The following PPP4R3A variants were observed in gnomAD, a reference collection of about 807,000 sequenced individuals.
PPP4R3A encodes protein phosphatase 4 regulatory subunit 3A.
Under a neutral mutation model 91.7 loss-of-function variants are expected in PPP4R3A, and 15 were observed. The observed-to-expected ratio is 0.16, with a 90% CI of 0.11 to 0.25. The LOEUF (loss-of-function observed/expected upper bound fraction) is 0.25, where lower values mean the gene tolerates loss of function less well. Ranked by LOEUF, PPP4R3A falls within the 10% of genes least tolerant of loss-of-function variation. The pLI, the probability that PPP4R3A is intolerant of heterozygous loss-of-function variation, is 1.00. For synonymous variants in PPP4R3A, 377 were observed against 348.7 expected (o/e 1.08, Z -0.91); for missense variants, 623 against 998.4 (o/e 0.62, Z 5.07).
Position 91,475,849 on chromosome 14 carries a change from C to T in PPP4R3A, c.1228G>A (p.Val410Ile). 2 of 1,613,778 alleles carry T rather than the reference C, an allele frequency of 1.2e-6. No individual in the cohort carries two copies. Among genetic ancestry groups the T allele is most frequent in the East Asian group, 2.2e-5 (1 of 44,808 alleles). Residue 410 changes from valine to isoleucine, a missense_variant, in exon 7 of 15, where the codon GTA becomes ATA. Val to Ile is a conservative substitution (Grantham distance 29). Around this residue, in one of 5 missense-constraint regions of PPP4R3A, gnomAD observed 264 missense variants for 377.3 expected, o/e 0.70. Transcript: ENST00000554943. The part of the protein sequence containing the change: ...VMQEAQQNDD[V>I]SKKLTEQKIT... ...TTTTGCTCTGTTAACTTCTTACTTA[C>T]ATCATCATTCTGTTGTGCCTCCTGC... is the stretch of plus-strand genomic sequence containing the variant.
Position 91,458,508 on chromosome 14 carries a change from C to T in PPP4R3A, c.*251G>A. ...CCTGTTGGCTTTTTGTTTCCATTTCCTTCCCTGAGAAAAGGGCAATGTGTG... is the reference window on the plus strand; with the variant it reads ...CCTGTTGGCTTTTTGTTTCCATTTCTTTCCCTGAGAAAAGGGCAATGTGTG... On this transcript the variant is annotated 3_prime_UTR_variant, in exon 15 of 15. Transcript: ENST00000554943. 1 of 538,628 alleles carries T rather than the reference C, an allele frequency of 1.9e-6. No individual in the cohort carries two copies. Among genetic ancestry groups the T allele is most frequent in the Admixed American group, 3.1e-5 (1 of 32,602 alleles). The allele number at this position is 538,628 out of a possible 1,614,324, so 33.4% of individuals were successfully genotyped here. A position where few individuals can be genotyped will look rare whatever the true frequency, so the allele number is the denominator to read the frequency against.
chr14:91,471,883 G>C (rs1888859131), intron 9 of PPP4R3A, among the ~76,000 whole-genome samples: 2 of 151,970 alleles, frequency 1.3e-5, no homozygotes, highest in South Asian at 4.1e-4. Flanking sequence ...GGCCAACATG[G>C]TGAAAACCCT....
intron 1 of PPP4R3A, 33 bp downstream of exon 1, chr14:91,509,473 T>TGCGAGGGTCCCGCC (rs758112379): frequency 6.4e-7 from 1 of 1,559,668 alleles, no homozygotes; most frequent in South Asian, 1.2e-5. Flanking sequence ...CCGTGGGGGC[T>TGCGAGGGTCCCGCC]GCGAGGGTCC....
chr14:91,488,450 A>G (rs1475115427), intron 2 of PPP4R3A, among the ~76,000 whole-genome samples: 2 of 152,176 alleles, frequency 1.3e-5, no homozygotes, highest in South Asian at 2.1e-4. Context: ...TATATCACAG[A>G]CACCAGGCAG....
intron 11 of PPP4R3A, 97 bp downstream of exon 11, chr14:91,465,153 C>G: frequency 1.1e-6 from 1 of 934,904 alleles, no homozygotes; most frequent in Non-Finnish European, 1.5e-6. Context: ...TTAAATCTCT[C>G]CAAATATTAT....
intron 14 of PPP4R3A, among the ~76,000 whole-genome samples, chr14:91,459,254 C>T (rs1318549440): frequency 6.6e-6 from 1 of 151,914 alleles, no homozygotes; most frequent in Non-Finnish European, 1.5e-5. Flanking sequence ...TACAGGCGCC[C>T]GCCACCACGC....
intron 10 of PPP4R3A, among the ~76,000 whole-genome samples, chr14:91,467,581 A>G (rs1277660487): frequency 3.8e-5 from 2 of 52,464 alleles, no homozygotes; most frequent in East Asian, 8.7e-4. Context: ...TAAGATTTCC[A>G]TGTTTTTAAC....
At chr14:91,469,138 C>G (rs1319392024) in intron 10 of PPP4R3A, among the ~76,000 whole-genome samples, 1 of 81,770 alleles carries the variant, frequency 1.2e-5, no homozygotes, top group East Asian at 4.6e-4. Flanking sequence ...AAAAAAAAAT[C>G]AGACCTTGGT....
chr14:91,495,185 G>A (rs909265662), intron 1 of PPP4R3A, among the ~76,000 whole-genome samples: 21 of 151,898 alleles, frequency 1.4e-4, no homozygotes, highest in African/African-American at 4.8e-4. Flanking sequence ...AATTCAATGT[G>A]GCATATACTC....
At position 91,458,694 on chromosome 14, in the gene PPP4R3A, T is replaced by C. The variant is rs755143404; in HGVS notation, c.*65A>G. On this transcript the variant is annotated 3_prime_UTR_variant, in exon 15 of 15. Transcript: ENST00000554943. ...GACCACTGCGCTTTGTTGTGGATTT[T>C]GTATGGGGGAGGGGTGGAGAACCAG... 4 of 1,612,760 alleles carry C rather than the reference T, an allele frequency of 2.5e-6. No homozygotes were observed. Among genetic ancestry groups the C allele is most frequent in the South Asian group, 2.2e-5 (2 of 90,864 alleles).
At chr14:91,509,142 G>C (rs1167442864) in intron 1 of PPP4R3A, among the ~76,000 whole-genome samples, 8 of 152,182 alleles carry the variant, frequency 5.3e-5, no homozygotes, top group Admixed American at 3.3e-4. Flanking sequence ...GGTGAACTAA[G>C]GCAGCAGATC....
chr14:91,469,116 T>TAA (rs34445337), intron 10 of PPP4R3A, among the ~76,000 whole-genome samples: 21,414 of 133,102 alleles, frequency 0.16, 3,070 homozygotes, highest in East Asian at 0.49. Flanking sequence ...ATTTTTTCTG[T>TAA]AAAAAAAAAA....
At chr14:91,502,002 G>A (rs530835985) in intron 1 of PPP4R3A, among the ~76,000 whole-genome samples, 28 of 151,504 alleles carry the variant, frequency 1.8e-4, no homozygotes, top group African/African-American at 5.8e-4. Flanking sequence ...GACTACAGGC[G>A]TGAGCCACCG....
rs1272480264 is a variant in PPP4R3A at position 91,476,530 on chromosome 14, ATT to A, written c.994-8_994-7del. The A allele has an allele frequency of 1.3e-6, 2 of 1,537,746 alleles. No individual in the cohort carries two copies. Among genetic ancestry groups the A allele is most frequent in the Non-Finnish European group, 8.9e-7 (1 of 1,127,498 alleles). The stretch of plus-strand genomic sequence containing the variant: ...AATTCTTTTAAAAAGTTAACCTGAA[ATT>A]AGAAAAAAGGATAAGTGATATAAAA... On this transcript the variant is annotated splice_region_variant and splice_polypyrimidine_tract_variant and intron_variant, in intron 5 of 14. Transcript: ENST00000554943.
chr14:91,472,532 C>T (rs35863382), intron 9 of PPP4R3A, among the ~76,000 whole-genome samples: 9,940 of 149,114 alleles, frequency 0.067, 869 homozygotes, highest in East Asian at 0.44. Context: ...GGGGCGACCT[C>T]GGCTCACTGC....
In PPP4R3A at chr14:91,472,458, G is replaced by GTT. The variant is rs76707705; in HGVS notation, c.1501+573_1501+574dup. On this transcript the variant is annotated intron_variant, in intron 9 of 14. Transcript: ENST00000554943. Reference sequence around the variant, plus strand: ...TGATTACAGTACTTTCAGGAAAATTGTTTTTTTTTTTTTTTTTTTGAGTTG... The same window carrying GTT: ...TGATTACAGTACTTTCAGGAAAATTGTTTTTTTTTTTTTTTTTTTTTGAGTTG... 8.8e-3 allele frequency among the ~76,000 whole-genome samples: 1,166 copies of GTT among 133,060 alleles called. 39 individuals are homozygous for GTT. The highest frequency in any genetic ancestry group is 0.014 in the Non-Finnish European group (847 of 61,806). The allele number at this position is 133,060 out of a possible 152,430, so 87.3% of individuals were successfully genotyped here. A position where few individuals can be genotyped will look rare whatever the true frequency, so the allele number is the denominator to read the frequency against.
intron 3 of PPP4R3A, among the ~76,000 whole-genome samples, chr14:91,483,112 CA>C (rs1250447850): frequency 6.6e-6 from 1 of 152,032 alleles, no homozygotes; most frequent in Non-Finnish European, 1.5e-5. Flanking sequence ...TAAAGTAAGG[CA>C]TTTTTTTTGG....
intron 14 of PPP4R3A, among the ~76,000 whole-genome samples, chr14:91,459,145 C>T (rs776414654): frequency 6.6e-6 from 1 of 152,092 alleles, no homozygotes; most frequent in African/African-American, 2.4e-5. Flanking sequence ...CGCTATGTCA[C>T]CCAGGCTGGA....
At chr14:91,479,908 T>G (rs1432131546) in intron 4 of PPP4R3A, among the ~76,000 whole-genome samples, 1 of 152,206 alleles carries the variant, frequency 6.6e-6, no homozygotes, top group Non-Finnish European at 1.5e-5. Flanking sequence ...GTGGTGGGAT[T>G]ACAGGTATAA....
Sources: allele counts gnomAD v4.1 joint callset (sites outside exome capture counted in the v4.1 genomes callset), GRCh38; gene constraint gnomAD v4.1.1; regional missense constraint gnomAD v4.1.1; transcripts MANE v1.5; gene names NCBI Gene and HGNC (gene_info 2026-07-23, HGNC 2026-07-21).